The following JMJD1C variants were observed in gnomAD, a reference collection of about 807,000 sequenced individuals.
JMJD1C encodes jumonji domain-containing protein 1C.
A neutral mutation model predicts 245.3 loss-of-function variants in JMJD1C; 31 were observed. The ratio of observed to expected loss-of-function variants is 0.13; its 90% CI spans 0.09 to 0.17. The LOEUF (loss-of-function observed/expected upper bound fraction) is 0.17. Ranked by LOEUF, JMJD1C falls within the 10% of genes least tolerant of loss-of-function variation. The pLI is 1.00. For synonymous variants in JMJD1C, 1,057 were observed against 1,017.4 expected, an observed-to-expected ratio of 1.04 and a Z score of -0.74; for missense variants, 2,691 against 3,000.2, an observed-to-expected ratio of 0.90 and a Z score of 2.41.
Position 63,295,877 on chromosome 10 carries a change from CTA to C in JMJD1C, c.334-31115_334-31114del, listed in dbSNP as rs1022887528. On this transcript the variant is annotated intron_variant, in intron 2 of 25. Transcript: ENST00000399262. ...TCATGTGTGTTTCTGCTTAACCACACTATATATATGTATATATATATACATGA... is the reference window on the plus strand; with the variant it reads ...TCATGTGTGTTTCTGCTTAACCACACTATATATGTATATATATATACATGA... Among the ~76,000 whole-genome samples, 173 of 149,110 alleles carry C rather than the reference CTA, an allele frequency of 1.2e-3. 6 individuals carry two copies. Among genetic ancestry groups the C allele is most frequent in the Admixed American group, 0.011 (159 of 14,922 alleles).
intron 8 of JMJD1C, among the ~76,000 whole-genome samples, chr10:63,211,331 T>C (rs1182009273): frequency 6.6e-6 from 1 of 151,970 alleles, no homozygotes; most frequent in African/African-American, 2.4e-5. Context: ...CCAGGTGTGG[T>C]GTTGCACACC....
intron 3 of JMJD1C, among the ~76,000 whole-genome samples, chr10:63,229,252 T>G (rs983810652): frequency 1.3e-5 from 2 of 152,122 alleles, no homozygotes; most frequent in Non-Finnish European, 2.9e-5. Flanking sequence ...ATTTCATCAT[T>G]TGATTAGCTG....
In JMJD1C at chr10:63,189,436, C is replaced by T; in HGVS notation, c.6302G>A (p.Ser2101Asn). 6.2e-7 allele frequency: 1 copy of T among 1,610,154 alleles called. No homozygotes were observed. Among genetic ancestry groups the T allele is most frequent in the Middle Eastern group, 1.7e-4 (1 of 6,032 alleles). The change falls in exon 18 of 26, where the codon AGT (serine) becomes AAT (asparagine). Residue 2101 changes from serine (S) to asparagine (N), a missense_variant. By Grantham distance (46) the Ser-to-Asn change is conservative. This residue lies in a region of JMJD1C where 275 missense variants were observed against 285.5 expected (regional missense o/e 0.96). Transcript: ENST00000399262. ...VYSMGAPSSK[S>N]GRTMPNILDD... ...AAGAATGTTAGGCATAGTCCGTCCA[C>T]TTTTGCTACTCTATTAAGGAAAAAA... is the stretch of plus-strand genomic sequence containing the variant.
At chr10:63,345,298 C>G (rs1254863589) in intron 2 of JMJD1C, among the ~76,000 whole-genome samples, 2 of 151,998 alleles carry the variant, frequency 1.3e-5, no homozygotes, top group Non-Finnish European at 2.9e-5. Flanking sequence ...ACCAGCCTGG[C>G]CAACATGGTG....
intron 1 of JMJD1C, among the ~76,000 whole-genome samples, chr10:63,386,883 T>C (rs1947645663): frequency 6.6e-6 from 1 of 152,074 alleles, no homozygotes. Flanking sequence ...ACAGACCCAC[T>C]AACTCTGGTG....
chr10:63,335,888 A>T (rs753156075), intron 2 of JMJD1C, among the ~76,000 whole-genome samples: 1 of 152,058 alleles, frequency 6.6e-6, no homozygotes, highest in Non-Finnish European at 1.5e-5. Flanking sequence ...TGGGAGGCCA[A>T]CACAGACAGA....
chr10:63,453,151 T>G (rs1431514089), intron 1 of JMJD1C, among the ~76,000 whole-genome samples: 1 of 152,052 alleles, frequency 6.6e-6, no homozygotes, highest in Admixed American at 6.5e-5. Flanking sequence ...GGCAGGTGCC[T>G]GTAACCACAG....
intron 2 of JMJD1C, among the ~76,000 whole-genome samples, chr10:63,284,802 C>T (rs1589384035): frequency 6.6e-6 from 1 of 151,554 alleles, no homozygotes; most frequent in East Asian, 1.9e-4. Context: ...TAGAAGCTCA[C>T]CATTCAAGGC....
chr10:63,194,215 T>C, intron 14 of JMJD1C, 71 bp downstream of exon 14: 1 of 914,994 alleles, frequency 1.1e-6, no homozygotes, highest in Non-Finnish European at 1.8e-6. Context: ...TATTTCTAGA[T>C]ACTCCTTTAA....
At chr10:63,247,037 C>CA (rs1852296299) in intron 3 of JMJD1C, among the ~76,000 whole-genome samples, 1 of 137,684 alleles carries the variant, frequency 7.3e-6, no homozygotes. Flanking sequence ...TACAAAAGAA[C>CA]AAACTAAATC....
At chr10:63,306,125 T>C (rs564655265) in intron 2 of JMJD1C, among the ~76,000 whole-genome samples, 5 of 152,158 alleles carry the variant, frequency 3.3e-5, no homozygotes, top group African/African-American at 1.2e-4. Flanking sequence ...AGTCTTGCTC[T>C]GTTGCCCAGG....
intron 1 of JMJD1C, among the ~76,000 whole-genome samples, chr10:63,459,256 T>A (rs1952623201): frequency 6.6e-6 from 1 of 152,190 alleles, no homozygotes; most frequent in Admixed American, 6.5e-5. Flanking sequence ...TCCAAATGAA[T>A]CATTAAAAAA....
At chr10:63,427,826 C>T (rs570118480) in intron 1 of JMJD1C, 53 of 1,087,014 alleles carry the variant, frequency 4.9e-5, no homozygotes, top group Admixed American at 1.0e-4. Flanking sequence ...CCTTCTAAAA[C>T]ACTTGTTGAG....
upstream of JMJD1C, chr10:63,466,476 A>C (rs191233812): frequency 2.0e-5 from 3 of 152,350 alleles, no homozygotes; most frequent in Non-Finnish European, 2.9e-5. Context: ...CATGACTTCA[A>C]GGGAAAACGA....
intron 1 of JMJD1C, among the ~76,000 whole-genome samples, chr10:63,454,556 T>G (rs1178584019): frequency 2.0e-5 from 3 of 151,514 alleles, no homozygotes; most frequent in Non-Finnish European, 4.4e-5. Flanking sequence ...TCAGCCCCCC[T>G]AGTAGCTGGG....
At chr10:63,515,370 G>GT (rs749249983) in intron 1 of JMJD1C, among the ~76,000 whole-genome samples, 142 of 152,266 alleles carry the variant, frequency 9.3e-4, no homozygotes, top group Non-Finnish European at 2.5e-4. Flanking sequence ...AGCTGACAGC[G>GT]TAAGAGGATT....
At chr10:63,390,466 A>G (rs1947966822) in intron 1 of JMJD1C, among the ~76,000 whole-genome samples, 1 of 152,168 alleles carries the variant, frequency 6.6e-6, no homozygotes, top group South Asian at 2.1e-4. Flanking sequence ...AACTAACACC[A>G]CTTCTCCTCA....
At chr10:63,497,053 G>A (rs1190522276) in intron 1 of JMJD1C, among the ~76,000 whole-genome samples, 2 of 151,934 alleles carry the variant, frequency 1.3e-5, no homozygotes, top group Non-Finnish European at 2.9e-5. Context: ...AGCATAACCT[G>A]GCAAAAATAC....
chr10:63,460,092 C>A (rs935786000), intron 1 of JMJD1C, among the ~76,000 whole-genome samples: 1 of 152,184 alleles, frequency 6.6e-6, no homozygotes, highest in African/African-American at 2.4e-5. Context: ...GAGTTCTATT[C>A]TGTAAGTTAG....
Sources: gnomAD v4.1 joint callset for allele counts (sites outside exome capture counted in the v4.1 genomes callset) on GRCh38, gnomAD v4.1.1 for gene constraint, gnomAD v4.1.1 regional missense constraint, MANE v1.5 for transcripts, NCBI Gene and HGNC (gene_info 2026-07-23, HGNC 2026-07-21) for gene names.